The following CLNK variants were observed in gnomAD, a reference collection of about 807,000 sequenced individuals.
The protein encoded by CLNK is cytokine dependent hematopoietic cell linker.
A neutral mutation model predicts 68.6 loss-of-function variants in CLNK; 74 were observed. That is an observed-to-expected ratio of 1.08 (90% CI 0.89 to 1.31). The LOEUF (loss-of-function observed/expected upper bound fraction) is 1.31. Ranked by LOEUF, CLNK falls within the 50% of genes most tolerant of loss-of-function variation. The pLI, the probability that CLNK is intolerant of heterozygous loss-of-function variation, is 0.00. For missense variants in CLNK, 553 were observed against 515.3 expected, an observed-to-expected ratio of 1.07 and a Z score of -0.71; for synonymous variants, 198 against 172.2, an observed-to-expected ratio of 1.15 and a Z score of -1.17.
intron 8 of CLNK, among the ~76,000 whole-genome samples, chr4:10,554,725 G>T (rs752264383): frequency 6.6e-6 from 1 of 152,138 alleles, no homozygotes; most frequent in African/African-American, 2.4e-5. Flanking sequence ...GATCAATTCT[G>T]CAACCTCGGG....
At chr4:10,605,265 T>A (rs1721742632) in intron 2 of CLNK, among the ~76,000 whole-genome samples, 2 of 152,176 alleles carry the variant, frequency 1.3e-5, no homozygotes, top group Admixed American at 1.3e-4. Context: ...CATATGTATA[T>A]ACAGTGACAC....
At chr4:10,723,746 A>G in the CLNK span, among the ~76,000 whole-genome samples, 2 of 152,174 alleles carry the variant, frequency 1.3e-5, no homozygotes, top group Non-Finnish European at 1.5e-5. Flanking sequence ...AGTAGATAAC[A>G]CAGGTTTGTT....
chr4:10,696,326 T>A, the CLNK span, among the ~76,000 whole-genome samples: 2 of 152,206 alleles, frequency 1.3e-5, no homozygotes, highest in Non-Finnish European at 2.9e-5. Flanking sequence ...GGGCTTCATC[T>A]GCCCCCTTTG....
intron 2 of CLNK, among the ~76,000 whole-genome samples, chr4:10,641,489 C>T (rs1723305526): frequency 1.3e-5 from 2 of 152,146 alleles, no homozygotes; most frequent in Non-Finnish European, 2.9e-5. Context: ...GGGATAGAAT[C>T]CAGACGTTAT....
At chr4:10,666,429 G>A (rs571287894) in intron 2 of CLNK, among the ~76,000 whole-genome samples, 1 of 152,352 alleles carries the variant, frequency 6.6e-6, no homozygotes, top group South Asian at 2.1e-4. Context: ...GCAACCACAG[G>A]TTAACCAGCT....
At chr4:10,597,053 G>A (rs1308343659) in intron 3 of CLNK, among the ~76,000 whole-genome samples, 1 of 152,214 alleles carries the variant, frequency 6.6e-6, no homozygotes, top group Non-Finnish European at 1.5e-5. Context: ...AACACCTCAA[G>A]TATTCTATCA....
chr4:10,719,707 A>G, the CLNK span, among the ~76,000 whole-genome samples: 1 of 152,192 alleles, frequency 6.6e-6, no homozygotes. Flanking sequence ...CAACAAAACC[A>G]TCAACCGTAG....
chr4:10,508,182 C>G (rs1286446717), intron 16 of CLNK, 146 bp from the exon 17 acceptor site: 2 of 602,846 alleles, frequency 3.3e-6, no homozygotes, highest in Admixed American at 3.4e-5. Context: ...CATTTAGTCC[C>G]TGAACTTGGA....
At chr4:10,494,449 A>G (rs1716720485) in intron 18 of CLNK, among the ~76,000 whole-genome samples, 1 of 150,090 alleles carries the variant, frequency 6.7e-6, no homozygotes, top group East Asian at 1.9e-4. Flanking sequence ...CTAGTCACAC[A>G]GTATTTCCTA....
chr4:10,700,363 G>T, the CLNK span, among the ~76,000 whole-genome samples: 1 of 152,166 alleles, frequency 6.6e-6, no homozygotes, highest in Non-Finnish European at 1.5e-5. Context: ...TGGAATCAAA[G>T]CCTGTCTAAC....
upstream of CLNK, among the ~76,000 whole-genome samples, chr4:10,687,807 TCTC>T (rs1485438777): frequency 6.6e-6 from 1 of 152,166 alleles, no homozygotes; most frequent in East Asian, 1.9e-4. Context: ...GCGTTCATCT[TCTC>T]TTTGGGTGAT....
the CLNK span, among the ~76,000 whole-genome samples, chr4:10,728,924 C>A: frequency 6.6e-6 from 1 of 151,980 alleles, no homozygotes; most frequent in Non-Finnish European, 1.5e-5. Context: ...TAGCATATAC[C>A]TTTGATATTA....
At chr4:10,686,050 A>G (rs928530105), upstream of CLNK, among the ~76,000 whole-genome samples, 1 of 152,120 alleles carries the variant, frequency 6.6e-6, no homozygotes, top group Non-Finnish European at 1.5e-5. Context: ...GTATTGTCTC[A>G]CAGTCTGGCC....
intron 1 of CLNK, among the ~76,000 whole-genome samples, chr4:10,679,764 A>C (rs1282465219): frequency 6.6e-6 from 1 of 152,230 alleles, no homozygotes; most frequent in Non-Finnish European, 1.5e-5. Flanking sequence ...ACACATGAAA[A>C]TATGCTCATC....
At chr4:10,547,245 G>C (rs552195587) in intron 8 of CLNK, among the ~76,000 whole-genome samples, 4 of 152,106 alleles carry the variant, frequency 2.6e-5, no homozygotes, top group Non-Finnish European at 5.9e-5. Context: ...AGATCACATG[G>C]GGTCTTGTAC....
chr4:10,590,081 C>T (rs1423366359), intron 3 of CLNK, among the ~76,000 whole-genome samples: 1 of 152,138 alleles, frequency 6.6e-6, no homozygotes, highest in African/African-American at 2.4e-5. Flanking sequence ...TGTATATAAG[C>T]CGGTGTCAAC....
chr4:10,614,188 T>C (rs1334980350), intron 2 of CLNK, among the ~76,000 whole-genome samples: 1 of 152,238 alleles, frequency 6.6e-6, no homozygotes, highest in Non-Finnish European at 1.5e-5. Flanking sequence ...CTGGGTGAGA[T>C]GTCTGCATGG....
chr4:10,637,405 T>C (rs150014510), intron 2 of CLNK, among the ~76,000 whole-genome samples: 1 of 150,570 alleles, frequency 6.6e-6, no homozygotes, highest in Admixed American at 6.6e-5. Flanking sequence ...GAACAAAAAA[T>C]AGACCTTTAT....
intron 7 of CLNK, among the ~76,000 whole-genome samples, chr4:10,559,851 G>A (rs1283177733): frequency 6.6e-6 from 1 of 152,178 alleles, no homozygotes; most frequent in East Asian, 1.9e-4. Context: ...CAGGTACATT[G>A]TAACAGATTT....
Sources: gnomAD v4.1 joint callset for allele counts (sites outside exome capture counted in the v4.1 genomes callset) on GRCh38, gnomAD v4.1.1 for gene constraint, MANE v1.5 for transcripts, NCBI Gene and HGNC (gene_info 2026-07-23, HGNC 2026-07-21) for gene names.